The following GARIN2 variants were observed in gnomAD, a reference collection of about 807,000 sequenced individuals.
GARIN2 encodes golgi associated RAB2 interactor family member 2.
chr14:67,201,822 A>G, the GARIN2 span: 1 of 262,654 alleles, frequency 3.8e-6, no homozygotes, highest in African/African-American at 2.3e-5. Context: ...ATTATCATAC[A>G]GCTGAGAAAC....
At chr14:67,199,070 C>T in the GARIN2 span, 1 of 878,144 alleles carries the variant, frequency 1.1e-6, no homozygotes, top group South Asian at 1.4e-5. Flanking sequence ...CCATGGCTAC[C>T]AGGCCGATCT....
chr14:67,212,618 A>ATGTG, the GARIN2 span, among the ~76,000 whole-genome samples: 1 of 145,684 alleles, frequency 6.9e-6, no homozygotes, highest in African/African-American at 2.5e-5. Context: ...TATATATGTA[A>ATGTG]TATATATTAT....
the GARIN2 span, among the ~76,000 whole-genome samples, chr14:67,223,304 T>C: frequency 1.3e-5 from 2 of 152,182 alleles, no homozygotes; most frequent in Non-Finnish European, 2.9e-5. Flanking sequence ...CTGGCCCCCA[T>C]TGGGCTTTAG....
At chr14:67,204,828 G>A in the GARIN2 span, 261 of 1,613,872 alleles carry the variant, frequency 1.6e-4, 5 homozygotes, top group South Asian at 2.1e-3. Context: ...TCCTGACCCC[G>A]TACATGTATG....
chr14:67,196,896 A>T, the GARIN2 span: 1 of 152,152 alleles, frequency 6.6e-6, no homozygotes, highest in Non-Finnish European at 1.5e-5. Flanking sequence ...TAAGGTTTAG[A>T]ATTGAAATTA....
At chr14:67,204,831 C>A in the GARIN2 span, 1 of 1,613,982 alleles carries the variant, frequency 6.2e-7, no homozygotes, top group Non-Finnish European at 8.5e-7. Flanking sequence ...TGACCCCGTA[C>A]ATGTATGCAG....
the GARIN2 span, among the ~76,000 whole-genome samples, chr14:67,223,372 A>G: frequency 3.3e-5 from 5 of 152,228 alleles, no homozygotes; most frequent in Non-Finnish European, 7.3e-5. Context: ...ATTCCAATCT[A>G]TACTACTGAA....
At chr14:67,200,299 G>T in the GARIN2 span, 1 of 680,818 alleles carries the variant, frequency 1.5e-6, no homozygotes, top group South Asian at 1.7e-5. Flanking sequence ...GCCCCTCGAG[G>T]CCCGCTTTGG....
the GARIN2 span, among the ~76,000 whole-genome samples, chr14:67,193,626 TATCTATATAG>T: frequency 6.8e-6 from 1 of 146,708 alleles, no homozygotes; most frequent in African/African-American, 2.5e-5. Context: ...GAAATATATC[TATCTATATAG>T]ATATAGATAT....
the GARIN2 span, chr14:67,208,522 T>G: frequency 3.4e-6 from 5 of 1,468,934 alleles, no homozygotes; most frequent in South Asian, 5.4e-5. Context: ...TGCTTTAGTC[T>G]CTTAACTCAG....
chr14:67,194,872 G>T, the GARIN2 span, among the ~76,000 whole-genome samples: 1 of 152,170 alleles, frequency 6.6e-6, no homozygotes, highest in Non-Finnish European at 1.5e-5. Context: ...TGGCCAGGCT[G>T]ATCTTGAACT....
chr14:67,190,014 AT>A, the GARIN2 span, among the ~76,000 whole-genome samples: 411 of 113,204 alleles, frequency 3.6e-3, no homozygotes, highest in African/African-American at 0.012. Context: ...CTAATTTTGT[AT>A]TTTTTTTTTA....
At chr14:67,203,406 C>T in the GARIN2 span, 2 of 814,078 alleles carry the variant, frequency 2.5e-6, no homozygotes, top group Admixed American at 6.1e-5. Context: ...GTTACTCGCA[C>T]TCCCTGCTGC....
chr14:67,213,983 A>C, the GARIN2 span, among the ~76,000 whole-genome samples: 2 of 152,132 alleles, frequency 1.3e-5, no homozygotes, highest in African/African-American at 4.8e-5. Context: ...GTATCTGTTC[A>C]TGTCCTTCGC....
At chr14:67,208,436 G>T in the GARIN2 span, 1 of 1,613,136 alleles carries the variant, frequency 6.2e-7, no homozygotes, top group Admixed American at 1.7e-5. Context: ...AGCTCTCAAG[G>T]CTGAAGAATC....
chr14:67,224,540 A>G, the GARIN2 span: 1 of 192,628 alleles, frequency 5.2e-6, no homozygotes, highest in South Asian at 7.9e-5. Flanking sequence ...GATTACAGAC[A>G]TGAGCCACTG....
chr14:67,195,686 T>G, the GARIN2 span, among the ~76,000 whole-genome samples: 1 of 151,546 alleles, frequency 6.6e-6, no homozygotes, highest in East Asian at 1.9e-4. Flanking sequence ...ATGCTGCTAA[T>G]TATAGAACTT....
At chr14:67,222,999 C>CTTT in the GARIN2 span, among the ~76,000 whole-genome samples, 240 of 124,762 alleles carry the variant, frequency 1.9e-3, 5 homozygotes, top group African/African-American at 5.7e-3. Flanking sequence ...TCCCATTGGG[C>CTTT]TTTTTTTTTT....
At chr14:67,189,950 C>G in the GARIN2 span, among the ~76,000 whole-genome samples, 1 of 148,910 alleles carries the variant, frequency 6.7e-6, no homozygotes, top group African/African-American at 2.5e-5. Context: ...AAGTGATTCT[C>G]CTGCCTCAGC....
Sources: gnomAD v4.1 joint callset for allele counts (sites outside exome capture counted in the v4.1 genomes callset) on GRCh38, gnomAD v4.1.1 for gene constraint, MANE v1.5 for transcripts, NCBI Gene and HGNC (gene_info 2026-07-23, HGNC 2026-07-21) for gene names.